POLN: variants seen among roughly 807,000 people sequenced by gnomAD.
POLN encodes the protein DNA polymerase N.
Under a neutral mutation model 113.5 loss-of-function variants are expected in POLN, and 108 were observed. The observed-to-expected ratio is 0.95, with a 90% confidence interval of 0.81 to 1.12. POLN has a LOEUF of 1.12. POLN is among the 50% of genes most tolerant of loss of function. The pLI is 0.00. For missense variants in POLN, 1,097 were observed against 1,077.1 expected (o/e 1.02, Z -0.26); for synonymous variants, 386 against 391.5 (o/e 0.99, Z 0.17).
chr4:2,193,862 C>T (rs1301674622), intron 6 of POLN, among the ~76,000 whole-genome samples: 1 of 152,202 alleles, frequency 6.6e-6, no homozygotes, highest in Admixed American at 6.5e-5. Context: ...GGGGGCTGCT[C>T]CCTCTTCTGT....
At chr4:2,094,381 A>G (rs1424488052) in intron 20 of POLN, among the ~76,000 whole-genome samples, 2 of 151,170 alleles carry the variant, frequency 1.3e-5, no homozygotes, top group Non-Finnish European at 3.0e-5. Flanking sequence ...AAAAAGAAAG[A>G]AAGAAACAGA....
At chr4:2,232,045 A>C in intron 2 of POLN, 1 of 1,543,320 alleles carries the variant, frequency 6.5e-7, no homozygotes, top group Non-Finnish European at 8.9e-7. Flanking sequence ...CATTTGATGT[A>C]ATTTATTATT....
chr4:2,226,368 G>A (rs372077001), intron 3 of POLN, among the ~76,000 whole-genome samples: 4 of 152,308 alleles, frequency 2.6e-5, no homozygotes, highest in East Asian at 3.9e-4. Context: ...ATGAGTAATC[G>A]CTGCCAAAAA....
intron 24 of POLN, among the ~76,000 whole-genome samples, chr4:2,074,624 C>T (rs1730232879): frequency 6.6e-6 from 1 of 152,180 alleles, no homozygotes; most frequent in Non-Finnish European, 1.5e-5. Context: ...GAGCCTCACA[C>T]CCCTAAGGGT....
intron 5 of POLN, 33 bp from the exon 6 acceptor site, chr4:2,198,750 G>C (rs1489182399): frequency 1.3e-6 from 2 of 1,539,588 alleles, no homozygotes; most frequent in South Asian, 2.5e-5. Context: ...ATTAAACCCA[G>C]ACAACATATC....
At chr4:2,155,801 T>G (rs1442799597) in intron 16 of POLN, among the ~76,000 whole-genome samples, 1 of 152,104 alleles carries the variant, frequency 6.6e-6, no homozygotes, top group African/African-American at 2.4e-5. Flanking sequence ...TAAGAAAGCA[T>G]AATATAAAAT....
intron 23 of POLN, chr4:2,079,596 T>C (rs1560967523): frequency 1.0e-6 from 1 of 985,242 alleles, no homozygotes; most frequent in Non-Finnish European, 1.2e-6. Flanking sequence ...ATCTTATTTT[T>C]TTTTCTGTTA....
intron 16 of POLN, among the ~76,000 whole-genome samples, chr4:2,138,471 G>A (rs990998699): frequency 2.6e-5 from 4 of 152,156 alleles, no homozygotes; most frequent in African/African-American, 9.7e-5. Flanking sequence ...ACAAGGGTGG[G>A]GACAGCTATA....
intron 2 of POLN, among the ~76,000 whole-genome samples, chr4:2,236,683 AC>A (rs910565907): frequency 1.1e-4 from 16 of 151,686 alleles, no homozygotes; most frequent in East Asian, 1.9e-4. Flanking sequence ...ACATGGTGAA[AC>A]CCCATCTCCA....
intron 13 of POLN, among the ~76,000 whole-genome samples, chr4:2,161,430 G>A (rs1199715880): frequency 6.6e-6 from 1 of 152,260 alleles, no homozygotes; most frequent in Admixed American, 6.5e-5. Context: ...GCTGCGGAGG[G>A]TGTACTGGGT....
intron 19 of POLN, among the ~76,000 whole-genome samples, chr4:2,105,971 C>G (rs371482550): frequency 1.3e-5 from 2 of 152,198 alleles, no homozygotes; most frequent in East Asian, 1.9e-4. Flanking sequence ...TCTTAAGATG[C>G]CCTGGAAGAA....
In POLN at chr4:2,071,937, G is replaced by A. The variant is rs1200019596; in HGVS notation, c.*177C>T. ...ACGCGGCACTTCCCACTCACAGGAA[G>A]AATTCACTCAGACAAGGATGAGGAG... On this transcript the variant is annotated 3_prime_UTR_variant, in exon 26 of 26. Coordinates refer to ENST00000511885, the MANE Select transcript of POLN (RefSeq NM_181808.4). This position sits in a 1 kb window ranked among gnomAD's most constrained non-coding sequence, Gnocchi z 5.2. The A allele has an allele frequency of 1.3e-6, 1 of 787,324 alleles. No individual in the cohort carries two copies. Among genetic ancestry groups the A allele is most frequent in the Non-Finnish European group, 2.2e-6 (1 of 453,438 alleles). 48.8% of individuals were successfully genotyped at this position (787,324 alleles called of 1,614,324 possible).
chr4:2,205,974 G>C (rs1430785669), intron 5 of POLN, among the ~76,000 whole-genome samples: 1 of 151,892 alleles, frequency 6.6e-6, no homozygotes, highest in African/African-American at 2.4e-5. Flanking sequence ...CAAATCTGGA[G>C]GCATCACAGT....
intron 2 of POLN, chr4:2,238,581 A>C (rs1423384896): frequency 7.0e-7 from 1 of 1,421,328 alleles, no homozygotes; most frequent in African/African-American, 1.4e-5. Context: ...ATATTTACTA[A>C]AGAAACAATG....
chr4:2,163,789 G>A (rs779482866), intron 13 of POLN, among the ~76,000 whole-genome samples: 10 of 152,228 alleles, frequency 6.6e-5, no homozygotes, highest in Admixed American at 2.6e-4. Context: ...GGCGACTTTA[G>A]TAAAAATCAG....
intron 20 of POLN, among the ~76,000 whole-genome samples, chr4:2,092,540 C>G (rs1181225433): frequency 1.3e-5 from 2 of 152,212 alleles, no homozygotes; most frequent in African/African-American, 4.8e-5. Context: ...TACCAGCTCC[C>G]CCACGGTGGC....
At chr4:2,131,780 C>T (rs181886575) in intron 16 of POLN, among the ~76,000 whole-genome samples, 128 of 152,328 alleles carry the variant, frequency 8.4e-4, no homozygotes, top group African/African-American at 3.0e-3. Context: ...GCTTGTGCTA[C>T]GTCCCCTGCA....
intron 23 of POLN, chr4:2,078,526 A>G: frequency 1.1e-6 from 1 of 907,486 alleles, no homozygotes; most frequent in South Asian, 5.1e-5. Context: ...GCTGGAGTGA[A>G]GTGGTGCGAT....
chr4:2,131,900 G>A (rs1311465695), intron 16 of POLN, among the ~76,000 whole-genome samples: 1 of 152,166 alleles, frequency 6.6e-6, no homozygotes, highest in Non-Finnish European at 1.5e-5. Flanking sequence ...GAGAATTTCT[G>A]TCACAACATC....
Sources: gnomAD v4.1 joint callset for allele counts (sites outside exome capture counted in the v4.1 genomes callset) on GRCh38, gnomAD v4.1.1 for gene constraint, Gnocchi (gnomAD v3.1) non-coding constraint, MANE v1.5 for transcripts, NCBI Gene and HGNC (gene_info 2026-07-23, HGNC 2026-07-21) for gene names.